ZSCAN32: variants seen among roughly 807,000 people sequenced by gnomAD.
ZSCAN32 encodes zinc finger and SCAN domain-containing protein 32.
In ZSCAN32, 52 loss-of-function variants were observed where a neutral mutation model predicts 47.4. The ratio of observed to expected loss-of-function variants is 1.10; its 90% CI spans 0.88 to 1.38. The LOEUF (loss-of-function observed/expected upper bound fraction) is 1.38. Ranked by LOEUF, ZSCAN32 falls within the 40% of genes most tolerant of loss-of-function variation. The pLI, the probability that ZSCAN32 is intolerant of heterozygous loss-of-function variation, is 0.00. For missense variants in ZSCAN32, 959 were observed against 846.0 expected (o/e 1.13, Z -1.66); for synonymous variants, 346 against 305.7 (o/e 1.13, Z -1.38).
intron 3 of ZSCAN32, among the ~76,000 whole-genome samples, chr16:3,391,679 CAA>C (rs71392831): frequency 7.6e-5 from 5 of 65,434 alleles, no homozygotes; most frequent in African/African-American, 6.0e-5. Flanking sequence ...AACTCCATCT[CAA>C]AAAAAAAAAA....
At chr16:3,400,399 G>A (rs78518780) in intron 1 of ZSCAN32, among the ~76,000 whole-genome samples, 2 of 152,064 alleles carry the variant, frequency 1.3e-5, no homozygotes, top group Non-Finnish European at 2.9e-5. Context: ...GGCTGAAGAA[G>A]AATTTAATAA....
At chr16:3,397,817 TA>T in intron 1 of ZSCAN32, 73 bp from the exon 2 acceptor site, 11 of 385,370 alleles carry the variant, frequency 2.9e-5, no homozygotes, top group South Asian at 8.2e-5. Flanking sequence ...ATTTACTTCC[TA>T]TCCCTTTCCT....
chr16:3,395,315 T>C (rs1401583363), intron 2 of ZSCAN32, among the ~76,000 whole-genome samples: 1 of 152,238 alleles, frequency 6.6e-6, no homozygotes, highest in Admixed American at 6.5e-5. Context: ...AAGGTTTGGC[T>C]GTGTCCCCAC....
At chr16:3,383,742 T>A (rs1377502478) in intron 6 of ZSCAN32, 31 bp from the exon 7 acceptor site, 2 of 1,545,922 alleles carry the variant, frequency 1.3e-6, no homozygotes, top group African/African-American at 2.8e-5. Flanking sequence ...AGAAATACAA[T>A]GGACTATAGA....
rs2033499925 is a variant in ZSCAN32, at chr16:3,397,604, G to T, written c.-47C>A. The stretch of plus-strand genomic sequence containing the variant: ...CTCTGGTTGCCACTTCTACCCTGGA[G>T]ATCAGAGTCCATCTTTCCCACATCA... On this transcript the variant is annotated 5_prime_UTR_variant, in exon 2 of 7. Transcript: ENST00000396852. 2 of 1,467,108 alleles carry T rather than the reference G, an allele frequency of 1.4e-6. No individual in the cohort carries two copies. The highest frequency in any genetic ancestry group is 2.8e-5 in the South Asian group (2 of 70,510). 90.9% of individuals were successfully genotyped at this position (1,467,108 alleles called of 1,614,324 possible).
Position 3,382,812 on chromosome 16 carries a change from G to C in ZSCAN32, c.*40C>G. 6.5e-7 allele frequency: 1 copy of C among 1,529,238 alleles called. No individual in the cohort carries two copies. Among genetic ancestry groups the C allele is most frequent in the Non-Finnish European group, 8.8e-7 (1 of 1,137,518 alleles). The allele number at this position is 1,529,238 out of a possible 1,614,324, so 94.7% of individuals were successfully genotyped here. ...CCACAGCAGAAGAAAGCTCATACAT[G>C]CTGACCTGAGGAACTTAATCTGACA... is the stretch of plus-strand genomic sequence containing the variant. On this transcript the variant is annotated 3_prime_UTR_variant, in exon 7 of 7. Coordinates refer to ENST00000396852, the MANE Select transcript of ZSCAN32 (RefSeq NM_001284527.2).
chr16:3,393,654 G>A lies in ZSCAN32; in HGVS notation c.527C>T (p.Ser176Leu), dbSNP rs1370895033. 1 of 1,546,208 alleles carries A rather than the reference G, an allele frequency of 6.5e-7. No individual in the cohort carries two copies. The highest frequency in any genetic ancestry group is 2.4e-5 in the East Asian group (1 of 40,838). Reference protein sequence around the residue: ...QSSHQRPGEQSEAWLAPQAPR... With the variant: ...QSSHQRPGEQLEAWLAPQAPR... ...GGACAGAGGCTTCTGCTTACCTTCT[G>A]ACTGTTCCCCTGGTCTTTGGTGTGA... The change falls in exon 3 of 7, where the codon TCA (serine) becomes TTA (leucine). Residue 176 changes from serine to leucine, a missense_variant. By Grantham distance (145) the Ser-to-Leu change is moderately radical. Transcript: ENST00000396852.
chr16:3,382,815 G>T lies in ZSCAN32; in HGVS notation c.*37C>A. On this transcript the variant is annotated 3_prime_UTR_variant, in exon 7 of 7. Transcript: ENST00000396852. ...CAGCAGAAGAAAGCTCATACATGCTGACCTGAGGAACTTAATCTGACAGTT... is the reference window on the plus strand; with the variant it reads ...CAGCAGAAGAAAGCTCATACATGCTTACCTGAGGAACTTAATCTGACAGTT... 6.5e-7 allele frequency: 1 copy of T among 1,531,422 alleles called. No homozygotes were observed. Among genetic ancestry groups the T allele is most frequent in the South Asian group, 1.3e-5 (1 of 77,888 alleles). The allele number at this position is 1,531,422 out of a possible 1,614,324, so 94.9% of individuals were successfully genotyped here.
In ZSCAN32 at chr16:3,382,997, G is replaced by C. The variant is rs1475959812; in HGVS notation, c.1949C>G (p.Ala650Gly). The stretch of plus-strand genomic sequence containing the variant: ...TTCACCAGTGTGGGTTTTTCGGTGG[G>C]CACTGAAGTGGGAGCTATTGTTGAA... ...KIFNNSSHFS[A>G]HRKTHTGEKP... Residue 650 changes from alanine (A) to glycine (G), a missense_variant, in exon 7 of 7, where the codon GCC (alanine) becomes GGC (glycine). Physicochemically the swap from Ala to Gly is moderately conservative, Grantham distance 60. Coordinates refer to ENST00000396852, the MANE Select transcript of ZSCAN32 (RefSeq NM_001284527.2). 2 of 1,614,038 alleles carry C rather than the reference G, an allele frequency of 1.2e-6. No individual in the cohort carries two copies. The highest frequency in any genetic ancestry group is 2.2e-5 in the South Asian group (2 of 91,082).
intron 4 of ZSCAN32, 28 bp downstream of exon 4, chr16:3,390,395 G>C: frequency 1.3e-6 from 2 of 1,535,646 alleles, no homozygotes; most frequent in South Asian, 1.2e-5. Context: ...GGGTACTCAA[G>C]AGACAGAAGG....
chr16:3,391,693 A>C lies in ZSCAN32; in HGVS notation c.533-1176T>G, dbSNP rs2032721078. Among the ~76,000 whole-genome samples, 3 of 148,244 alleles carry C rather than the reference A, an allele frequency of 2.0e-5. No individual in the cohort carries two copies. In the South Asian group the frequency reaches 6.5e-4, roughly 32 times the overall value. On this transcript the variant is annotated intron_variant, in intron 3 of 6. Coordinates refer to ENST00000396852, the MANE Select transcript of ZSCAN32 (RefSeq NM_001284527.2). ...AAACTCCATCTCAAAAAAAAAAAAA[A>C]AAAACAAAATACTAAAATCTCTTAG...
At chr16:3,400,635 C>T (rs2033806141) in intron 1 of ZSCAN32, among the ~76,000 whole-genome samples, 1 of 152,210 alleles carries the variant, frequency 6.6e-6, no homozygotes, top group East Asian at 1.9e-4. Context: ...AGAACGCACT[C>T]GGTGCCAGGG....
At chr16:3,393,515 A>C in intron 3 of ZSCAN32, 134 bp downstream of exon 3, 1 of 871,958 alleles carries the variant, frequency 1.1e-6, no homozygotes, top group Non-Finnish European at 1.6e-6. Flanking sequence ...GTGAGCCAAC[A>C]CGCCCTGCCG....
rs758898713 is a variant in ZSCAN32, at chr16:3,382,920, G to C, written c.2026C>G (p.Leu676Val). The change falls in exon 7 of 7, where the codon CTC becomes GTC. Residue 676 changes from leucine to valine, a missense_variant. By Grantham distance (32) the Leu-to-Val change is conservative. Transcript: ENST00000396852. ...CERGFTKNSA[L>V]TRHQTVHMKA... is the part of the protein sequence containing the mutation. ...ATGTGTACTGTCTGATGACGGGTGA[G>C]GGCAGAGTTCTTAGTGAAGCCTCTC... The C allele has an allele frequency of 4.3e-6, 7 of 1,612,058 alleles. No homozygotes were observed. Among genetic ancestry groups the C allele is most frequent in the Non-Finnish European group, 5.9e-6 (7 of 1,178,868 alleles).
intron 5 of ZSCAN32, among the ~76,000 whole-genome samples, chr16:3,385,456 A>T (rs994001940): frequency 2.0e-5 from 3 of 152,204 alleles, no homozygotes; most frequent in African/African-American, 7.2e-5. Context: ...TAAAGTTTAT[A>T]TGGAACCAAA....
chr16:3,388,618 G>A (rs1477340809), intron 5 of ZSCAN32, among the ~76,000 whole-genome samples: 1 of 152,188 alleles, frequency 6.6e-6, no homozygotes, highest in African/African-American at 2.4e-5. Flanking sequence ...ATTAATATTT[G>A]TGGAAAGAAT....
chr16:3,390,997 A>AT (rs2032627022), intron 3 of ZSCAN32, among the ~76,000 whole-genome samples: 1 of 152,144 alleles, frequency 6.6e-6, no homozygotes, highest in African/African-American at 2.4e-5. Flanking sequence ...AAGATAATAC[A>AT]TTTTTTCTCA....
intron 2 of ZSCAN32, among the ~76,000 whole-genome samples, chr16:3,394,926 C>T (rs1567323532): frequency 6.6e-6 from 1 of 152,188 alleles, no homozygotes; most frequent in Non-Finnish European, 1.5e-5. Flanking sequence ...AGAAGTCCTG[C>T]CTCACAGCCT....
Position 3,383,433 on chromosome 16 carries a change from G to T in ZSCAN32, c.1513C>A (p.Gln505Lys). ...GGCTTGTGGGGAGAGTGCACACTCT[G>T]AGAGCAGTTTTTCCCACAGAGGATA... Reference protein sequence around the residue: ...THILCGKNCSQSVHSPHKPAL... With the variant: ...THILCGKNCSKSVHSPHKPAL... Residue 505 changes from glutamine to lysine, a missense_variant, in exon 7 of 7, where the codon CAG (glutamine) becomes AAG (lysine). Gln to Lys is a moderately conservative substitution (Grantham distance 53). Coordinates refer to ENST00000396852, the MANE Select transcript of ZSCAN32 (RefSeq NM_001284527.2). 1 of 1,614,186 alleles carries T rather than the reference G, an allele frequency of 6.2e-7. No individual in the cohort carries two copies. Among genetic ancestry groups the T allele is most frequent in the Admixed American group, 1.7e-5 (1 of 60,018 alleles).
Sources: gnomAD v4.1 joint callset for allele counts (sites outside exome capture counted in the v4.1 genomes callset) on GRCh38, gnomAD v4.1.1 for gene constraint, MANE v1.5 for transcripts, NCBI Gene and HGNC (gene_info 2026-07-23, HGNC 2026-07-21) for gene names.